RIMKLB: variants seen among roughly 807,000 people sequenced by gnomAD.
RIMKLB encodes ribosomal modification protein rimK like family member B.
In RIMKLB, 7 loss-of-function variants were observed where a neutral mutation model predicts 32.0. The ratio of observed to expected loss-of-function variants is 0.22; its 90% confidence interval spans 0.12 to 0.41. RIMKLB has a LOEUF of 0.41. RIMKLB is among the 10% of genes least tolerant of loss of function. The pLI, the probability that RIMKLB is intolerant of heterozygous loss-of-function variation, is 1.00. For synonymous variants in RIMKLB, 172 were observed against 185.1 expected (o/e 0.93, Z 0.57); for missense variants, 289 against 498.7 (o/e 0.58, Z 4.00).
intron 3 of RIMKLB, among the ~76,000 whole-genome samples, chr12:8,751,659 T>C (rs1282118641): frequency 1.3e-5 from 2 of 152,144 alleles, no homozygotes; most frequent in Non-Finnish European, 2.9e-5. Context: ...CTGTTATTTG[T>C]GTGGGAGAAT....
At chr12:8,744,748 C>T (rs1947916839) in intron 2 of RIMKLB, among the ~76,000 whole-genome samples, 2 of 151,798 alleles carry the variant, frequency 1.3e-5, no homozygotes. Context: ...TCAACCTCTG[C>T]CTCCTAGGTT....
At chr12:8,707,537 C>T (rs748674121) in intron 1 of RIMKLB, among the ~76,000 whole-genome samples, 3 of 152,240 alleles carry the variant, frequency 2.0e-5, no homozygotes, top group South Asian at 2.1e-4. Context: ...TTGGAGACTT[C>T]GTTACACAGG....
At chr12:8,753,786 T>C in intron 4 of RIMKLB, 104 bp from the exon 5 acceptor site, 1 of 857,472 alleles carries the variant, frequency 1.2e-6, no homozygotes, top group South Asian at 1.6e-5. Context: ...AAAAATGTAG[T>C]TGGTTCTGAA....
Position 8,774,868 on chromosome 12 carries a change from G to A in RIMKLB, c.*1084G>A, listed in dbSNP as rs1257219623. ...TTTGCATTTTTCACATTTTACGAGG[G>A]AGTATATGTGTATGTGTGTGCACGC... On this transcript the variant is annotated 3_prime_UTR_variant, in exon 6 of 6. Transcript: ENST00000535829. The A allele has an allele frequency of 1.0e-5, 10 of 985,456 alleles. No homozygotes were observed. Among genetic ancestry groups the A allele is most frequent in the Non-Finnish European group, 1.2e-5 (10 of 829,856 alleles). The allele number at this position is 985,456 out of a possible 1,614,324, so 61.0% of individuals were successfully genotyped here.
intron 5 of RIMKLB, among the ~76,000 whole-genome samples, chr12:8,770,897 G>A (rs1397450546): frequency 6.6e-6 from 1 of 152,152 alleles, no homozygotes; most frequent in Non-Finnish European, 1.5e-5. Flanking sequence ...TTTCTGCTTA[G>A]GTTTGATTAA....
intron 1 of RIMKLB, among the ~76,000 whole-genome samples, chr12:8,707,456 G>A (rs748762419): frequency 9.2e-5 from 14 of 152,326 alleles, no homozygotes; most frequent in Admixed American, 2.6e-4. Context: ...CTTCCTGGGT[G>A]CGTCACCCTC....
At chr12:8,701,897 C>CG (rs200644121) in intron 1 of RIMKLB, among the ~76,000 whole-genome samples, 4,980 of 150,910 alleles carry the variant, frequency 0.033, 134 homozygotes, top group Non-Finnish European at 0.044. Flanking sequence ...CTCAGCTACT[C>CG]GGGGGGGCTG....
At chr12:8,746,121 CCAA>C (rs1474423573) in intron 2 of RIMKLB, among the ~76,000 whole-genome samples, 1 of 151,816 alleles carries the variant, frequency 6.6e-6, no homozygotes, top group Non-Finnish European at 1.5e-5. Flanking sequence ...TATGTCATTA[CCAA>C]CGTCTTTCCT....
intron 2 of RIMKLB, among the ~76,000 whole-genome samples, chr12:8,738,503 A>G (rs189622063): frequency 7.6e-4 from 116 of 152,322 alleles, no homozygotes; most frequent in African/African-American, 2.6e-3. Context: ...ACCTATGTGA[A>G]GTCCATTAAA....
At chr12:8,685,480 T>C (rs772359057) in intron 1 of RIMKLB, among the ~76,000 whole-genome samples, 16 of 152,248 alleles carry the variant, frequency 1.1e-4, no homozygotes, top group Non-Finnish European at 2.1e-4. Flanking sequence ...GTTGATGCGA[T>C]GGATTGCATT....
intron 1 of RIMKLB, among the ~76,000 whole-genome samples, chr12:8,682,726 C>T (rs1291591461): frequency 1.3e-5 from 2 of 150,100 alleles, no homozygotes; most frequent in African/African-American, 2.4e-5. Context: ...GAGCCGAGAT[C>T]GCGCCACTGC....
upstream of RIMKLB, chr12:8,679,135 A>G (rs77022505): frequency 1.3e-5 from 2 of 152,276 alleles, no homozygotes; most frequent in Non-Finnish European, 2.9e-5. Flanking sequence ...TGGAAAAATC[A>G]TTTCTCAGGA....
At chr12:8,714,987 T>G (rs1944687178) in intron 2 of RIMKLB, among the ~76,000 whole-genome samples, 1 of 152,212 alleles carries the variant, frequency 6.6e-6, no homozygotes, top group South Asian at 2.1e-4. Context: ...CAATAAAATC[T>G]TACCTTTATC....
chr12:8,705,163 G>T (rs773608570), intron 1 of RIMKLB, among the ~76,000 whole-genome samples: 7 of 152,262 alleles, frequency 4.6e-5, no homozygotes, highest in Non-Finnish European at 1.0e-4. Flanking sequence ...AGTAGTCCAA[G>T]TGTTGAATAT....
intron 1 of RIMKLB, among the ~76,000 whole-genome samples, chr12:8,706,281 A>G (rs1453333956): frequency 6.6e-6 from 1 of 151,864 alleles, no homozygotes; most frequent in Non-Finnish European, 1.5e-5. Context: ...CTGGGATTAC[A>G]GGTGCCCACC....
intron 2 of RIMKLB, among the ~76,000 whole-genome samples, chr12:8,742,147 C>T (rs1947614574): frequency 6.6e-6 from 1 of 151,866 alleles, no homozygotes; most frequent in Admixed American, 6.6e-5. Flanking sequence ...ATCCGCCCGC[C>T]TCAGCCTCCC....
upstream of RIMKLB, among the ~76,000 whole-genome samples, chr12:8,695,090 A>C (rs973700085): frequency 6.6e-5 from 10 of 152,206 alleles, no homozygotes; most frequent in African/African-American, 2.2e-4. Flanking sequence ...TCATGCTGCT[A>C]GTAAATACAG....
At chr12:8,734,327 G>A (rs990415375) in intron 2 of RIMKLB, among the ~76,000 whole-genome samples, 10 of 152,144 alleles carry the variant, frequency 6.6e-5, no homozygotes, top group African/African-American at 1.2e-4. Context: ...CAGTAATCTT[G>A]TATTTTAACA....
rs1475147512 is a variant in RIMKLB, at chr12:8,775,066, A to G, written c.*1282A>G. Reference sequence around the variant, plus strand: ...TCACCTTAAAACATAGGGTGAGTAGATGCTTTTTTAGGCCTTTTTGTGTAT... The same window carrying G: ...TCACCTTAAAACATAGGGTGAGTAGGTGCTTTTTTAGGCCTTTTTGTGTAT... On this transcript the variant is annotated 3_prime_UTR_variant, in exon 6 of 6. Transcript: ENST00000535829. 1.0e-6 allele frequency: 1 copy of G among 985,606 alleles called. No individual in the cohort carries two copies. The highest frequency in any genetic ancestry group is 1.2e-6 in the Non-Finnish European group (1 of 829,880). 61.1% of individuals were successfully genotyped at this position (985,606 alleles called of 1,614,324 possible).
Sources: gnomAD v4.1 joint callset for allele counts (sites outside exome capture counted in the v4.1 genomes callset) on GRCh38, gnomAD v4.1.1 for gene constraint, MANE v1.5 for transcripts, NCBI Gene and HGNC (gene_info 2026-07-23, HGNC 2026-07-21) for gene names.